The following ENOX1 variants were observed in gnomAD, a reference collection of about 807,000 sequenced individuals.
ENOX1 encodes ecto-NOX disulfide-thiol exchanger 1, also known as candidate growth-related and time keeping constitutive hydroquinone (NADH) oxidase.
ENOX1 carries 42 observed loss-of-function variants against 82.5 expected under a neutral mutation model. That is an observed-to-expected ratio of 0.51 (90% CI 0.40 to 0.66). The LOEUF (loss-of-function observed/expected upper bound fraction) is 0.66. Ranked by LOEUF, ENOX1 falls within the 30% of genes least tolerant of loss-of-function variation. The pLI is 0.00. For synonymous variants in ENOX1, 271 were observed against 282.2 expected (o/e 0.96, Z 0.40); for missense variants, 608 against 811.6 (o/e 0.75, Z 3.05).
intron 2 of ENOX1, among the ~76,000 whole-genome samples, chr13:43,651,619 C>A (rs577365622): frequency 6.7e-6 from 1 of 150,042 alleles, no homozygotes; most frequent in African/African-American, 2.4e-5. Flanking sequence ...ATCGCTTGGA[C>A]CCAGGATGCG....
intron 1 of ENOX1, among the ~76,000 whole-genome samples, chr13:43,721,916 C>T (rs573375803): frequency 3.3e-5 from 5 of 152,062 alleles, no homozygotes; most frequent in African/African-American, 9.7e-5. Flanking sequence ...TGTATAAGGA[C>T]GAAAGATCTT....
chr13:43,232,265 C>T (rs983462590), intron 15 of ENOX1, among the ~76,000 whole-genome samples: 3 of 152,108 alleles, frequency 2.0e-5, no homozygotes, highest in Admixed American at 1.3e-4. Flanking sequence ...TATAAATAGG[C>T]TGCCTAGATA....
intron 1 of ENOX1, among the ~76,000 whole-genome samples, chr13:43,778,105 G>C (rs975864094): frequency 6.6e-6 from 1 of 152,162 alleles, no homozygotes; most frequent in Non-Finnish European, 1.5e-5. Context: ...AAAATATGGG[G>C]ATGATGTTGG....
chr13:43,505,830 C>T (rs1324732801), intron 2 of ENOX1, among the ~76,000 whole-genome samples: 1 of 152,008 alleles, frequency 6.6e-6, no homozygotes, highest in East Asian at 1.9e-4. Context: ...CTTGCCCATG[C>T]CTATGTCCTG....
intron 2 of ENOX1, among the ~76,000 whole-genome samples, chr13:43,653,097 C>A (rs2084270481): frequency 6.6e-6 from 1 of 152,204 alleles, no homozygotes; most frequent in South Asian, 2.1e-4. Context: ...AGTTGCGCAG[C>A]ACAGGCAGGT....
At chr13:43,595,113 G>A (rs1156487625) in intron 2 of ENOX1, among the ~76,000 whole-genome samples, 1 of 149,244 alleles carries the variant, frequency 6.7e-6, no homozygotes, top group Non-Finnish European at 1.5e-5. Flanking sequence ...AGGGAGAGAT[G>A]GTGCCTTAGG....
chr13:43,402,051 A>G (rs2053528946), intron 5 of ENOX1, among the ~76,000 whole-genome samples: 1 of 152,350 alleles, frequency 6.6e-6, no homozygotes, highest in Non-Finnish European at 1.5e-5. Flanking sequence ...AAGACCTATC[A>G]TAAAGATAAA....
chr13:43,512,622 T>TG (rs2077411679), intron 2 of ENOX1, among the ~76,000 whole-genome samples: 1 of 150,694 alleles, frequency 6.6e-6, no homozygotes, highest in Admixed American at 6.6e-5. Context: ...GTGTGGGTTT[T>TG]TTTTTTTTTT....
At chr13:43,618,126 A>G (rs965518439) in intron 2 of ENOX1, among the ~76,000 whole-genome samples, 3 of 152,064 alleles carry the variant, frequency 2.0e-5, no homozygotes, top group Non-Finnish European at 2.9e-5. Flanking sequence ...GACATTTGTC[A>G]GAATGTATAG....
In ENOX1 at chr13:43,470,377, C is replaced by CGT. The variant is rs1297678055; in HGVS notation, c.-75+13631_-75+13632insAC. 9.6e-4 allele frequency among the ~76,000 whole-genome samples: 26 copies of CGT among 27,020 alleles called. 2 individuals carry two copies. Among genetic ancestry groups the CGT allele is most frequent in the South Asian group, 4.1e-3 (2 of 486 alleles). The allele number at this position is 27,020 out of a possible 152,430, so 17.7% of individuals were successfully genotyped here. Reference sequence around the variant, plus strand: ...ATGTATATATATACGTATATATATACATATATATACGTATATATATGTGTA... The same window carrying CGT: ...ATGTATATATATACGTATATATATACGTATATATATACGTATATATATGTGTA... On this transcript the variant is annotated intron_variant, in intron 3 of 16. Coordinates refer to ENST00000690772, the MANE Select transcript of ENOX1 (RefSeq NM_001347969.2).
intron 3 of ENOX1, among the ~76,000 whole-genome samples, chr13:43,413,329 ACACAT>A (rs1374140890): frequency 1.5e-4 from 23 of 152,310 alleles, no homozygotes; most frequent in African/African-American, 5.1e-4. Context: ...CACACACACT[ACACAT>A]CAATGGAGAG....
intron 1 of ENOX1, among the ~76,000 whole-genome samples, chr13:43,736,019 C>T (rs1199414997): frequency 6.6e-6 from 1 of 152,106 alleles, no homozygotes; most frequent in African/African-American, 2.4e-5. Context: ...GGACTAACTC[C>T]TTCCATTTCC....
At chr13:43,285,656 A>G (rs574689236) in intron 12 of ENOX1, among the ~76,000 whole-genome samples, 1 of 151,976 alleles carries the variant, frequency 6.6e-6, no homozygotes, top group Non-Finnish European at 1.5e-5. Context: ...AAATACAAAA[A>G]TTAGCTAGGC....
At chr13:43,355,823 T>C in intron 8 of ENOX1, 96 bp downstream of exon 8, 1 of 1,206,788 alleles carries the variant, frequency 8.3e-7, no homozygotes, top group South Asian at 1.4e-5. Flanking sequence ...GCAGACATTG[T>C]GCTGAAGGGA....
At chr13:43,767,660 G>A (rs905717446) in intron 1 of ENOX1, among the ~76,000 whole-genome samples, 2 of 152,192 alleles carry the variant, frequency 1.3e-5, no homozygotes, top group African/African-American at 4.8e-5. Flanking sequence ...AGCATCAGTG[G>A]GAAATAATGC....
rs10492569 is a variant in ENOX1, at chr13:43,332,622, T to G, written c.1037-6097A>C. On this transcript the variant is annotated intron_variant, in intron 9 of 16. Coordinates refer to ENST00000690772, the MANE Select transcript of ENOX1 (RefSeq NM_001347969.2). The stretch of plus-strand genomic sequence containing the variant: ...TTGTTCAAATAAAACAGAAAGATAT[T>G]AGGTATATAGTGACTTTTAAAGATT... Among the ~76,000 whole-genome samples the G allele has an allele frequency of 1.4e-3, 208 of 152,294 alleles. 4 individuals carry two copies. In the East Asian group the frequency reaches 0.025, roughly 18 times the overall value.
chr13:43,680,081 T>C (rs1441944425), intron 1 of ENOX1, among the ~76,000 whole-genome samples: 2 of 152,234 alleles, frequency 1.3e-5, no homozygotes, highest in Non-Finnish European at 2.9e-5. Flanking sequence ...AATGCTTCAC[T>C]ACCTTTTGTT....
intron 11 of ENOX1, among the ~76,000 whole-genome samples, chr13:43,306,364 T>G (rs1419171674): frequency 6.6e-6 from 1 of 152,220 alleles, no homozygotes; most frequent in Non-Finnish European, 1.5e-5. Context: ...GATTTTAGTT[T>G]TCTTTTTCAC....
chr13:43,227,960 C>T (rs553128916), intron 15 of ENOX1, among the ~76,000 whole-genome samples: 3 of 152,170 alleles, frequency 2.0e-5, no homozygotes, highest in Non-Finnish European at 4.4e-5. Flanking sequence ...CCTCCCACTC[C>T]TGCATCTGTC....
Sources: gnomAD v4.1 joint callset for allele counts (sites outside exome capture counted in the v4.1 genomes callset) on GRCh38, gnomAD v4.1.1 for gene constraint, MANE v1.5 for transcripts, NCBI Gene and HGNC (gene_info 2026-07-23, HGNC 2026-07-21) for gene names.